Variants in ALDH1L2 observed in about 807,000 individuals in gnomAD.
The protein encoded by ALDH1L2 is mitochondrial 10-formyltetrahydrofolate dehydrogenase.
Under a neutral mutation model 111.0 loss-of-function variants are expected in ALDH1L2, and 91 were observed. The ratio of observed to expected loss-of-function variants is 0.82; its 90% CI spans 0.69 to 0.98. The LOEUF is 0.98. Ranked by LOEUF, ALDH1L2 falls within the 50% of genes least tolerant of loss-of-function variation. The pLI is 0.00. For missense variants in ALDH1L2, 995 were observed against 1,126.8 expected (o/e 0.88, Z 1.67); for synonymous variants, 374 against 392.6 (o/e 0.95, Z 0.56).
chr12:105,072,968 T>C (rs934246366), intron 2 of ALDH1L2, among the ~76,000 whole-genome samples: 5 of 152,218 alleles, frequency 3.3e-5, no homozygotes, highest in African/African-American at 1.2e-4. Context: ...AGTTAGACTC[T>C]GTCTCAAAAA....
intron 1 of ALDH1L2, among the ~76,000 whole-genome samples, chr12:105,077,626 G>A (rs1878127803): frequency 6.6e-6 from 1 of 151,654 alleles, no homozygotes; most frequent in South Asian, 2.1e-4. Context: ...CTTTTGCAGG[G>A]AGCAGAGCCT....
At position 105,073,976 on chromosome 12, in the gene ALDH1L2, T is replaced by C. The variant is rs1415617969; in HGVS notation, c.78A>G (p.Ala26=). ...RVYFKNKLKL[A]LIGQSLFGQE... ...GTCCAAAGAGGCTCTGGCCAATTAG[T>C]GCCAACTTCAGCTTGTTTTTGAAAT... Residue 26 remains alanine, a synonymous_variant, in exon 2 of 23, where the codon GCA becomes GCG. Coordinates refer to ENST00000258494, the MANE Select transcript of ALDH1L2 (RefSeq NM_001034173.4). 6.2e-7 allele frequency: 1 copy of C among 1,614,004 alleles called. No homozygotes were observed. The highest frequency in any genetic ancestry group is 8.5e-7 in the Non-Finnish European group (1 of 1,180,020).
chr12:105,026,891 C>A, intron 21 of ALDH1L2, 147 bp from the exon 22 acceptor site: 3 of 952,160 alleles, frequency 3.2e-6, no homozygotes, highest in Non-Finnish European at 3.1e-6. Context: ...TTTTTAGAGG[C>A]CAGGCATTGC....
chr12:105,046,221 A>ATATTTATTTTTT (rs1565957144), intron 15 of ALDH1L2, among the ~76,000 whole-genome samples: 1 of 21,788 alleles, frequency 4.6e-5, no homozygotes, highest in African/African-American at 2.0e-4. Context: ...ATATATATAT[A>ATATTTATTTTTT]TTTTTTTTTT....
intron 1 of ALDH1L2, among the ~76,000 whole-genome samples, chr12:105,076,538 C>G (rs1653892433): frequency 6.6e-6 from 1 of 152,160 alleles, no homozygotes; most frequent in South Asian, 2.1e-4. Context: ...GTTTATTATC[C>G]TAGTGCCTAT....
rs1874107698 is a variant in ALDH1L2 at position 105,020,458 on chromosome 12, A to G, written c.*3966T>C. On this transcript the variant is annotated 3_prime_UTR_variant, in exon 23 of 23. Coordinates refer to ENST00000258494, the MANE Select transcript of ALDH1L2 (RefSeq NM_001034173.4). Reference sequence around the variant, plus strand: ...CTGTGTGATTTGAGCAGGTTACTTAACCTCTCCATTTGAAAGCAAACATTT... The same window carrying G: ...CTGTGTGATTTGAGCAGGTTACTTAGCCTCTCCATTTGAAAGCAAACATTT... 6.6e-6 allele frequency: 1 copy of G among 152,126 alleles called. No homozygotes were observed. Among genetic ancestry groups the G allele is most frequent in the Non-Finnish European group, 1.5e-5 (1 of 68,026 alleles). The allele number at this position is 152,126 out of a possible 1,614,324, so 9.4% of individuals were successfully genotyped here.
intron 18 of ALDH1L2, among the ~76,000 whole-genome samples, chr12:105,037,151 G>A (rs1189116209): frequency 6.6e-6 from 1 of 152,174 alleles, no homozygotes; most frequent in Non-Finnish European, 1.5e-5. Context: ...CACAACCCCT[G>A]CCGAGCATTG....
intron 17 of ALDH1L2, among the ~76,000 whole-genome samples, chr12:105,039,435 TG>T (rs967508429): frequency 6.6e-6 from 1 of 152,236 alleles, no homozygotes; most frequent in African/African-American, 2.4e-5. Context: ...GAGAACAATT[TG>T]GGCCACAGCT....
chr12:105,048,097 T>A (rs1017516895), intron 13 of ALDH1L2: 2 of 152,226 alleles, frequency 1.3e-5, no homozygotes, highest in African/African-American at 2.4e-5. Context: ...TATCAATATA[T>A]GCATGACTTT....
At chr12:105,078,049 C>T (rs1274509420) in intron 1 of ALDH1L2, among the ~76,000 whole-genome samples, 1 of 151,922 alleles carries the variant, frequency 6.6e-6, no homozygotes, top group Non-Finnish European at 1.5e-5. Flanking sequence ...AGCATGTTTT[C>T]AGGCTTTGCC....
In ALDH1L2 at chr12:105,020,005, G is replaced by A. The variant is rs1431557088; in HGVS notation, c.*4419C>T. On this transcript the variant is annotated 3_prime_UTR_variant, in exon 23 of 23. Coordinates refer to ENST00000258494, the MANE Select transcript of ALDH1L2 (RefSeq NM_001034173.4). ...GGTTGACTCAACAAATTATGGTTGA[G>A]TCAGTCTTACTTTCCTATTTTATAA... 17 of 152,144 alleles carry A rather than the reference G, an allele frequency of 1.1e-4. No homozygotes were observed. The highest frequency in any genetic ancestry group is 1.1e-3 in the Admixed American group (17 of 15,272). 9.4% of individuals were successfully genotyped at this position (152,144 alleles called of 1,614,324 possible).
chr12:105,038,270 A>G, intron 17 of ALDH1L2, 68 bp from the exon 18 acceptor site: 2 of 454,402 alleles, frequency 4.4e-6, no homozygotes, highest in Non-Finnish European at 7.5e-6. Context: ...TCACACACAC[A>G]CACACACAAA....
intron 10 of ALDH1L2, among the ~76,000 whole-genome samples, chr12:105,056,005 G>A (rs976614438): frequency 2.6e-5 from 4 of 152,084 alleles, no homozygotes; most frequent in Admixed American, 1.3e-4. Context: ...AAGAATAGCT[G>A]AAAATTTCCT....
At position 105,058,073 on chromosome 12, in the gene ALDH1L2, A is replaced by C. The variant is rs1034167193; in HGVS notation, c.1287T>G (p.Tyr429Ter). The change falls in exon 10 of 23, where the codon TAT becomes TAG. Residue 429 changes from tyrosine (Y) to a stop codon, truncating the protein, a stop_gained and splice_region_variant. Transcript: ENST00000258494. LOFTEE classifies it high-confidence loss of function. ...GTTGCAACATCAAGGAAAAGCTTACATAATCTACAACCAGCTCCACCTCTT... is the reference window on the plus strand; with the variant it reads ...GTTGCAACATCAAGGAAAAGCTTACCTAATCTACAACCAGCTCCACCTCTT... ...EDQEVELVVD[Y>*]ISKEVNEIMV... is the part of the protein sequence containing the mutation. The C allele has an allele frequency of 1.2e-6, 2 of 1,611,562 alleles. No individual in the cohort carries two copies. Among genetic ancestry groups the C allele is most frequent in the African/African-American group, 1.3e-5 (1 of 74,808 alleles).
rs531827169 is a variant in ALDH1L2 at position 105,066,424 on chromosome 12, G to A, written c.696+144C>T. The A allele has an allele frequency of 3.1e-4, 210 of 670,144 alleles. 1 individual carries two copies. The South Asian group carries it at 3.8e-3, about 12-fold the overall frequency. The allele number at this position is 670,144 out of a possible 1,614,324, so 41.5% of individuals were successfully genotyped here. A position where few individuals can be genotyped will look rare whatever the true frequency, so the allele number is the denominator to read the frequency against. On this transcript the variant is annotated intron_variant, in intron 5 of 22. Coordinates refer to ENST00000258494, the MANE Select transcript of ALDH1L2 (RefSeq NM_001034173.4). ...TCTTTAGGGGACTCCCCTCTCCTGC[G>A]TATGTCTGGCTACCTGTCTACTCTA...
intron 6 of ALDH1L2, among the ~76,000 whole-genome samples, chr12:105,064,944 G>C (rs540705369): frequency 1.3e-5 from 2 of 152,082 alleles, no homozygotes; most frequent in African/African-American, 4.8e-5. Flanking sequence ...AACTCTTCTC[G>C]AGCAAAGCAG....
intron 2 of ALDH1L2, among the ~76,000 whole-genome samples, chr12:105,072,803 G>A (rs999159854): frequency 6.6e-6 from 1 of 152,172 alleles, no homozygotes; most frequent in East Asian, 1.9e-4. Flanking sequence ...GTGAAACCAT[G>A]TCTCTACTAA....
chr12:105,037,106 C>T (rs1409066824), intron 18 of ALDH1L2, among the ~76,000 whole-genome samples: 1 of 152,154 alleles, frequency 6.6e-6, no homozygotes, highest in Non-Finnish European at 1.5e-5. Flanking sequence ...ACTGAGAAGA[C>T]CATAAGTTTC....
chr12:105,034,501 C>A, intron 18 of ALDH1L2, 103 bp from the exon 19 acceptor site: 2 of 934,872 alleles, frequency 2.1e-6, no homozygotes, highest in Admixed American at 2.6e-5. Flanking sequence ...AGACAGCAGG[C>A]AATATAGATA....
Sources: gnomAD v4.1 joint callset for allele counts (sites outside exome capture counted in the v4.1 genomes callset) on GRCh38, gnomAD v4.1.1 for gene constraint, MANE v1.5 for transcripts, NCBI Gene and HGNC (gene_info 2026-07-23, HGNC 2026-07-21) for gene names.